Variants in SPOCK3 observed in about 807,000 individuals in gnomAD.
SPOCK3 encodes the protein SPARC (osteonectin), cwcv and kazal like domains proteoglycan 3.
SPOCK3 carries 30 observed loss-of-function variants against 56.6 expected under a neutral mutation model. That is an observed-to-expected ratio of 0.53 (90% CI 0.40 to 0.72). The LOEUF (loss-of-function observed/expected upper bound fraction) is 0.72, where lower values mean the gene tolerates loss of function less well. SPOCK3 is among the 30% of genes least tolerant of loss of function. The pLI is 0.00. For missense variants in SPOCK3, 527 were observed against 530.0 expected (o/e 0.99, Z 0.06); for synonymous variants, 196 against 183.3 (o/e 1.07, Z -0.56).
At chr4:166,746,086 A>G (rs1442721666) in intron 8 of SPOCK3, among the ~76,000 whole-genome samples, 3 of 152,202 alleles carry the variant, frequency 2.0e-5, no homozygotes, top group Non-Finnish European at 2.9e-5. Flanking sequence ...AATGACACAG[A>G]AAGTTAACAA....
intron 4 of SPOCK3, among the ~76,000 whole-genome samples, chr4:166,945,563 C>T (rs925680170): frequency 1.3e-5 from 2 of 152,134 alleles, no homozygotes; most frequent in Non-Finnish European, 2.9e-5. Context: ...TCCTGCCACC[C>T]ATCAACATAT....
chr4:167,010,725 C>T (rs1007285018), intron 3 of SPOCK3, among the ~76,000 whole-genome samples: 1 of 151,854 alleles, frequency 6.6e-6, no homozygotes, highest in Admixed American at 6.6e-5. Flanking sequence ...TAGTGAATTG[C>T]AAGAAGCGAT....
intron 4 of SPOCK3, among the ~76,000 whole-genome samples, chr4:166,985,825 G>T (rs1318518703): frequency 6.6e-6 from 1 of 152,136 alleles, no homozygotes; most frequent in East Asian, 1.9e-4. Context: ...TATCTCAATA[G>T]AAAATTGCAA....
intron 3 of SPOCK3, among the ~76,000 whole-genome samples, chr4:167,004,977 A>C (rs1579968891): frequency 6.6e-6 from 1 of 152,298 alleles, no homozygotes; most frequent in Middle Eastern, 3.4e-3. Context: ...TCCAGCAGTC[A>C]TCTCAAAGAA....
intron 6 of SPOCK3, among the ~76,000 whole-genome samples, chr4:166,853,114 A>G (rs1730305913): frequency 6.6e-6 from 1 of 152,178 alleles, no homozygotes; most frequent in Admixed American, 6.6e-5. Context: ...CTCAAAGGAA[A>G]AAATCTAAAA....
intron 2 of SPOCK3, among the ~76,000 whole-genome samples, chr4:167,130,681 G>A (rs894109207): frequency 6.6e-6 from 1 of 151,996 alleles, no homozygotes; most frequent in Non-Finnish European, 1.5e-5. Flanking sequence ...CCCAGTCCAA[G>A]TAAGACAGTT....
intron 6 of SPOCK3, among the ~76,000 whole-genome samples, chr4:166,850,320 T>A (rs887462052): frequency 1.3e-5 from 2 of 152,192 alleles, no homozygotes; most frequent in African/African-American, 4.8e-5. Context: ...ATGTGGGTCA[T>A]TTGCTATGTT....
intron 2 of SPOCK3, among the ~76,000 whole-genome samples, chr4:167,094,578 T>C (rs2150314778): frequency 6.6e-6 from 1 of 152,250 alleles, no homozygotes; most frequent in African/African-American, 2.4e-5. Context: ...ATTATATTCA[T>C]AATGTGAATT....
intron 7 of SPOCK3, among the ~76,000 whole-genome samples, chr4:166,788,540 A>G (rs1740981185): frequency 6.6e-6 from 1 of 151,888 alleles, no homozygotes; most frequent in Non-Finnish European, 1.5e-5. Flanking sequence ...CCACATTAAA[A>G]TGATATACTA....
chr4:167,203,233 T>C (rs886448105), intron 2 of SPOCK3, among the ~76,000 whole-genome samples: 5 of 152,046 alleles, frequency 3.3e-5, no homozygotes, highest in East Asian at 3.9e-4. Context: ...AAATTGTATG[T>C]ATTAGAAATC....
intron 7 of SPOCK3, among the ~76,000 whole-genome samples, chr4:166,785,947 C>A (rs1358614780): frequency 6.6e-6 from 1 of 152,070 alleles, no homozygotes; most frequent in Non-Finnish European, 1.5e-5. Context: ...TTTTCTAGTG[C>A]CTGCAGGTTC....
intron 2 of SPOCK3, among the ~76,000 whole-genome samples, chr4:167,140,539 C>T (rs138734235): frequency 0.013 from 1,988 of 152,068 alleles, 20 homozygotes; most frequent in Non-Finnish European, 0.016. Context: ...AATTGTGACC[C>T]TTTCCTTAGG....
Position 166,818,033 on chromosome 4 carries a change from AAAT to A in SPOCK3, c.590-25747_590-25745del, listed in dbSNP as rs1195132632. Among the ~76,000 whole-genome samples the A allele has an allele frequency of 2.6e-5, 4 of 152,260 alleles. No homozygotes were observed. The East Asian group carries it at 7.7e-4, about 29-fold the overall frequency. ...TAAATTAAAAAAGATTCAAAGAGTT[AAAT>A]AATATGTCCAAGATTACACACTTAT... On this transcript the variant is annotated intron_variant, in intron 6 of 10. Coordinates refer to ENST00000357545, the MANE Select transcript of SPOCK3 (RefSeq NM_001040159.2).
At chr4:166,843,916 T>C (rs528006450) in intron 6 of SPOCK3, among the ~76,000 whole-genome samples, 1 of 152,326 alleles carries the variant, frequency 6.6e-6, no homozygotes, top group South Asian at 2.1e-4. Context: ...AAGGCTGAGC[T>C]AGTTTCCTAG....
chr4:167,212,826 C>G (rs185172555), intron 2 of SPOCK3, among the ~76,000 whole-genome samples: 1 of 152,202 alleles, frequency 6.6e-6, no homozygotes, highest in African/African-American at 2.4e-5. Context: ...TACATAATGT[C>G]ACTAGAAAAT....
intron 7 of SPOCK3, among the ~76,000 whole-genome samples, chr4:166,787,189 A>T (rs184378019): frequency 1.3e-5 from 2 of 152,336 alleles, no homozygotes; most frequent in Non-Finnish European, 2.9e-5. Context: ...CATTTTAATG[A>T]ACATTACGTT....
intron 2 of SPOCK3, among the ~76,000 whole-genome samples, chr4:167,195,879 A>C (rs1456561235): frequency 1.3e-5 from 2 of 152,128 alleles, no homozygotes; most frequent in Admixed American, 6.5e-5. Flanking sequence ...ACTTTTACAA[A>C]GGTACTTTTA....
At chr4:167,078,590 C>T (rs372566448) in intron 2 of SPOCK3, among the ~76,000 whole-genome samples, 3 of 151,404 alleles carry the variant, frequency 2.0e-5, no homozygotes, top group South Asian at 4.2e-4. Context: ...TTCATGAGTC[C>T]TTAATACCTA....
chr4:166,766,012 A>T (rs6839056), intron 7 of SPOCK3, among the ~76,000 whole-genome samples: 1 of 151,680 alleles, frequency 6.6e-6, no homozygotes, highest in African/African-American at 2.4e-5. Context: ...GTATAAGAAT[A>T]CTTGTGGTTT....
Sources: gnomAD v4.1 joint callset for allele counts (sites outside exome capture counted in the v4.1 genomes callset) on GRCh38, gnomAD v4.1.1 for gene constraint, MANE v1.5 for transcripts, NCBI Gene and HGNC (gene_info 2026-07-23, HGNC 2026-07-21) for gene names.